The following SLC3A1 variants were observed in gnomAD, a reference collection of about 807,000 sequenced individuals.
SLC3A1 encodes amino acid transporter heavy chain SLC3A1.
In SLC3A1, 78 loss-of-function variants were observed where a neutral mutation model predicts 60.3. The observed-to-expected ratio is 1.29, with a 90% CI of 1.08 to 1.56. The LOEUF (loss-of-function observed/expected upper bound fraction) is 1.56. SLC3A1 is among the 40% of genes most tolerant of loss of function. The pLI is 0.00. For synonymous variants in SLC3A1, 392 were observed against 307.9 expected (o/e 1.27, Z -2.86); for missense variants, 1,172 against 858.9 (o/e 1.36, Z -4.56).
chr2:44,303,735 C>G (rs1672077461), intron 6 of SLC3A1: 1 of 336,530 alleles, frequency 3.0e-6, no homozygotes, highest in South Asian at 3.1e-5. Flanking sequence ...CCCTTAGCCC[C>G]CCACCCACTG....
chr2:44,317,790 A>G (rs1435537132), intron 9 of SLC3A1: 1 of 156,864 alleles, frequency 6.4e-6, no homozygotes, highest in African/African-American at 2.4e-5. Context: ...AAACAATAGT[A>G]TAACTACAAA....
At chr2:44,312,195 A>AT (rs1672315066) in intron 7 of SLC3A1, among the ~76,000 whole-genome samples, 1 of 152,142 alleles carries the variant, frequency 6.6e-6, no homozygotes, top group Non-Finnish European at 1.5e-5. Context: ...AGTCAAAACA[A>AT]TTTTTTAAAA....
At chr2:44,298,359 G>GC (rs1671909690) in intron 4 of SLC3A1, among the ~76,000 whole-genome samples, 1 of 151,212 alleles carries the variant, frequency 6.6e-6, no homozygotes, top group Non-Finnish European at 1.5e-5. Context: ...GGCCACACTG[G>GC]CCACCCCCCT....
chr2:44,275,890 C>T lies in SLC3A1; in HGVS notation c.355C>T (p.Gln119Ter), dbSNP rs1671332449. Reference protein sequence around the residue: ...ALSPKCLDWWQEGPMYQIYPR... With the variant: ...ALSPKCLDWW ...CTCTCCAAAGTGCCTAGACTGGTGGCAGGAGGGGCCCATGTACCAGATCTA... is the reference window on the plus strand; with the variant it reads ...CTCTCCAAAGTGCCTAGACTGGTGGTAGGAGGGGCCCATGTACCAGATCTA... The change falls in exon 1 of 10, where the codon CAG becomes TAG. Residue 119 changes from glutamine to a stop codon, truncating the protein, a stop_gained. Coordinates refer to ENST00000260649, the MANE Select transcript of SLC3A1 (RefSeq NM_000341.4). LOFTEE classifies it high-confidence loss of function. 5 of 1,613,972 alleles carry T rather than the reference C, an allele frequency of 3.1e-6. No homozygotes were observed. The highest frequency in any genetic ancestry group is 4.2e-6 in the Non-Finnish European group (5 of 1,179,966).
chr2:44,298,259 C>G (rs143042076), intron 4 of SLC3A1, among the ~76,000 whole-genome samples: 2 of 152,288 alleles, frequency 1.3e-5, no homozygotes, highest in East Asian at 3.9e-4. Context: ...ATCACCCTCA[C>G]AAAAATCCCA....
intron 9 of SLC3A1, chr2:44,314,225 G>T: frequency 2.6e-6 from 2 of 758,498 alleles, no homozygotes; most frequent in Middle Eastern, 3.9e-4. Context: ...AGCTATGAAG[G>T]AAATTTTATG....
At chr2:44,313,102 C>T (rs1372080) in intron 8 of SLC3A1, among the ~76,000 whole-genome samples, 114,876 of 151,982 alleles carry the variant, frequency 0.76, 44,295 homozygotes, top group African/African-American at 0.84. Context: ...TAGAATATGA[C>T]TCATTTCCCT....
chr2:44,301,130 T>C lies in SLC3A1; in HGVS notation c.1136+3T>C. ...AGCACGGAGCCCGGCAGATACAGGT[T>C]GACCACGGCATATGCTCTCATTTCT... On this transcript the variant is annotated splice_donor_region_variant and intron_variant, in intron 6 of 9. Transcript: ENST00000260649. 1 of 1,575,274 alleles carries C rather than the reference T, an allele frequency of 6.3e-7. No individual in the cohort carries two copies.
intron 3 of SLC3A1, 65 bp from the exon 4 acceptor site, chr2:44,285,967 A>C (rs186384032): frequency 4.4e-6 from 7 of 1,586,674 alleles, no homozygotes; most frequent in East Asian, 2.2e-5. Context: ...CAGGGAGGGC[A>C]ATGATCTTTA....
chr2:44,298,415 G>A (rs1671911369), intron 4 of SLC3A1, among the ~76,000 whole-genome samples: 3 of 151,798 alleles, frequency 2.0e-5, no homozygotes, highest in Non-Finnish European at 1.5e-5. Flanking sequence ...ATCTCCTTCT[G>A]CCACCCAGGC....
intron 7 of SLC3A1, among the ~76,000 whole-genome samples, chr2:44,305,298 A>T (rs1425323942): frequency 6.6e-6 from 1 of 152,076 alleles, no homozygotes; most frequent in Admixed American, 6.6e-5. Context: ...GGTCAATATT[A>T]GGCTCCTTCG....
At chr2:44,297,387 C>T (rs936780378) in intron 4 of SLC3A1, among the ~76,000 whole-genome samples, 2 of 152,140 alleles carry the variant, frequency 1.3e-5, no homozygotes, top group Admixed American at 6.5e-5. Flanking sequence ...CAGTACAGGC[C>T]AGCCTCTGCC....
chr2:44,296,842 C>T (rs891114138), intron 4 of SLC3A1, among the ~76,000 whole-genome samples: 1 of 152,124 alleles, frequency 6.6e-6, no homozygotes, highest in Non-Finnish European at 1.5e-5. Context: ...GTGTGGTTTC[C>T]TCCATCCTGT....
chr2:44,302,504 G>T (rs1054210397), intron 6 of SLC3A1, among the ~76,000 whole-genome samples: 11 of 152,220 alleles, frequency 7.2e-5, no homozygotes, highest in Non-Finnish European at 1.5e-4. Flanking sequence ...CTCTGAGCAT[G>T]TAAGTAATGT....
intron 7 of SLC3A1, among the ~76,000 whole-genome samples, chr2:44,306,195 G>A (rs1672152605): frequency 6.6e-6 from 1 of 152,200 alleles, no homozygotes; most frequent in Non-Finnish European, 1.5e-5. Context: ...CACAATACCT[G>A]TAGGTTTGAT....
chr2:44,307,389 T>C (rs1255790207), intron 7 of SLC3A1, among the ~76,000 whole-genome samples: 1 of 152,226 alleles, frequency 6.6e-6, no homozygotes, highest in East Asian at 1.9e-4. Flanking sequence ...ATGGTAAGTC[T>C]ACATTTAACT....
chr2:44,308,020 A>G (rs2104376878), intron 7 of SLC3A1, among the ~76,000 whole-genome samples: 4 of 152,292 alleles, frequency 2.6e-5, no homozygotes, highest in African/African-American at 9.6e-5. Context: ...CACATCTGAA[A>G]TCCCAGCACT....
At position 44,281,373 on chromosome 2, in the gene SLC3A1, C is replaced by G; in HGVS notation, c.611-14C>G. ...AATCTTTCCCTAGCATTTGAAATGT[C>G]TTTTACTCATTAGGTTTAAAATTAA... On this transcript the variant is annotated splice_polypyrimidine_tract_variant and intron_variant, in intron 2 of 9. Transcript: ENST00000260649. 4.4e-6 allele frequency: 7 copies of G among 1,602,492 alleles called. No homozygotes were observed. Among genetic ancestry groups the G allele is most frequent in the Non-Finnish European group, 6.0e-6 (7 of 1,171,296 alleles).
intron 3 of SLC3A1, 75 bp from the exon 4 acceptor site, chr2:44,285,957 C>T: frequency 1.3e-6 from 2 of 1,554,654 alleles, no homozygotes; most frequent in Non-Finnish European, 1.8e-6. Flanking sequence ...TGCAAAGGAT[C>T]AGGGAGGGCA....
Sources: allele counts gnomAD v4.1 joint callset (sites outside exome capture counted in the v4.1 genomes callset), GRCh38; gene constraint gnomAD v4.1.1; transcripts MANE v1.5; gene names NCBI Gene and HGNC (gene_info 2026-07-23, HGNC 2026-07-21).